Variants in CCM2 observed in about 807,000 individuals in gnomAD.
The protein encoded by CCM2 is CCM2 scaffold protein, also known as cerebral cavernous malformations 2 protein.
A neutral mutation model predicts 44.9 loss-of-function variants in CCM2; 25 were observed. That is an observed-to-expected ratio of 0.56 (90% confidence interval 0.41 to 0.78). The LOEUF (loss-of-function observed/expected upper bound fraction) is 0.78. CCM2 is among the 30% of genes least tolerant of loss of function. The pLI is 0.00. For synonymous variants in CCM2, 219 were observed against 241.1 expected (o/e 0.91, Z 0.85); for missense variants, 481 against 580.6 (o/e 0.83, Z 1.76).
At chr7:45,008,152 G>A (rs1222429948) in intron 1 of CCM2, among the ~76,000 whole-genome samples, 1 of 148,664 alleles carries the variant, frequency 6.7e-6, no homozygotes, top group Non-Finnish European at 1.5e-5. Context: ...AAGCAATTCT[G>A]CCTCAGCCTC....
At chr7:45,001,099 G>C (rs1028214931) in intron 1 of CCM2, among the ~76,000 whole-genome samples, 1 of 152,168 alleles carries the variant, frequency 6.6e-6, no homozygotes, top group South Asian at 2.1e-4. Flanking sequence ...ATGTGTGTGT[G>C]CGCACTTTTA....
In CCM2 at chr7:45,072,743, G is replaced by A. The variant is rs757873993; in HGVS notation, c.763G>A (p.Val255Met). 3 of 1,613,004 alleles carry A rather than the reference G, an allele frequency of 1.9e-6. No individual in the cohort carries two copies. Among genetic ancestry groups the A allele is most frequent in the Admixed American group, 3.3e-5 (2 of 60,024 alleles). The change falls in exon 7 of 10, where the codon GTG becomes ATG. Residue 255 changes from valine (V) to methionine (M), a missense_variant. Physicochemically the swap from Val to Met is conservative, Grantham distance 21. Coordinates refer to ENST00000258781, the MANE Select transcript of CCM2 (RefSeq NM_031443.4). ...SLHSDDSSTK[V>M]DIKETYEVEA... ...CCTTACAGATGACTCTTCTACAAAA[G>A]TGGACATTAAGGAGACCTACGAGGT...
intron 6 of CCM2, chr7:45,071,272 C>A: frequency 6.6e-6 from 1 of 152,670 alleles, no homozygotes; most frequent in Non-Finnish European, 1.5e-5. Context: ...TTTAAAATTC[C>A]CAAAGGGCCT....
At chr7:45,057,162 C>A (rs958803505) in intron 2 of CCM2, among the ~76,000 whole-genome samples, 1 of 150,688 alleles carries the variant, frequency 6.6e-6, no homozygotes, top group African/African-American at 2.4e-5. Flanking sequence ...CTCTTTTTTT[C>A]TTTCTTTCTT....
intron 4 of CCM2, among the ~76,000 whole-genome samples, chr7:45,065,719 T>G (rs1434493080): frequency 6.6e-6 from 1 of 152,150 alleles, no homozygotes; most frequent in African/African-American, 2.4e-5. Context: ...TGGCTGTTGC[T>G]CTGTTTTGTT....
chr7:45,046,362 C>G (rs868677026), intron 2 of CCM2, among the ~76,000 whole-genome samples: 11 of 152,322 alleles, frequency 7.2e-5, no homozygotes, highest in Middle Eastern at 3.4e-3. Context: ...GATCATACTG[C>G]TATCACAATC....
At chr7:45,001,899 G>A (rs1795651511) in intron 1 of CCM2, among the ~76,000 whole-genome samples, 3 of 152,184 alleles carry the variant, frequency 2.0e-5, no homozygotes, top group Non-Finnish European at 4.4e-5. Context: ...TCTCACTAGA[G>A]GAGATAATCA....
chr7:45,015,770 T>G (rs10243010), intron 1 of CCM2, among the ~76,000 whole-genome samples: 23,225 of 152,102 alleles, frequency 0.15, 3,500 homozygotes, highest in African/African-American at 0.39. Context: ...AGACACAGGA[T>G]AAAAAGCCAG....
At chr7:45,002,570 T>C (rs967007825) in intron 1 of CCM2, among the ~76,000 whole-genome samples, 2 of 151,934 alleles carry the variant, frequency 1.3e-5, no homozygotes, top group African/African-American at 4.8e-5. Context: ...ATTCAGGCTT[T>C]TTTTTACCTC....
At chr7:45,001,384 A>G (rs1795619626) in intron 1 of CCM2, among the ~76,000 whole-genome samples, 1 of 152,248 alleles carries the variant, frequency 6.6e-6, no homozygotes, top group African/African-American at 2.4e-5. Context: ...AGATGTTTTA[A>G]GTCTGGAAAA....
rs2877305 is a variant in CCM2, at chr7:45,072,471, T to G, written c.746-255T>G. The G allele has an allele frequency of 0.47, 282,426 of 597,184 alleles. 70,707 individuals are homozygous for G. The highest frequency in any genetic ancestry group is 0.74 in the African/African-American group (40,112 of 54,314). 37.0% of individuals were successfully genotyped at this position (597,184 alleles called of 1,614,324 possible). A position where few individuals can be genotyped will look rare whatever the true frequency, so the allele number is the denominator to read the frequency against. On this transcript the variant is annotated intron_variant, in intron 6 of 9. Transcript: ENST00000258781. ...CTGGCTCTGGCCATGGGTGAATGTG[T>G]ACTTCAGCCCAGCGTGCAGCAGGAT...
At chr7:45,049,289 T>G (rs1797894119) in intron 2 of CCM2, among the ~76,000 whole-genome samples, 1 of 152,188 alleles carries the variant, frequency 6.6e-6, no homozygotes, top group Admixed American at 6.5e-5. Flanking sequence ...AATATGTAAT[T>G]TATGTACATG....
In CCM2 at chr7:45,021,012, C is replaced by G. The variant is rs1796460299; in HGVS notation, c.31-17241C>G. 2.0e-5 allele frequency among the ~76,000 whole-genome samples: 3 copies of G among 152,288 alleles called. No homozygotes were observed. In the South Asian group the frequency reaches 6.2e-4, roughly 32 times the overall value. Reference sequence around the variant, plus strand: ...GCTGTCACTGCCTGCCTGAATCTCCCTCACTGTCTGAGGGTGGTCTTAGTG... The same window carrying G: ...GCTGTCACTGCCTGCCTGAATCTCCGTCACTGTCTGAGGGTGGTCTTAGTG... On this transcript the variant is annotated intron_variant, in intron 1 of 9. Coordinates refer to ENST00000258781, the MANE Select transcript of CCM2 (RefSeq NM_031443.4).
intron 2 of CCM2, among the ~76,000 whole-genome samples, chr7:45,058,367 G>A (rs1456094941): frequency 6.6e-6 from 1 of 151,910 alleles, no homozygotes; most frequent in East Asian, 1.9e-4. Flanking sequence ...TGTGCACAAC[G>A]TGCAGGTTTG....
At chr7:45,058,464 C>A (rs1348299136) in intron 2 of CCM2, among the ~76,000 whole-genome samples, 6 of 116,516 alleles carry the variant, frequency 5.1e-5, no homozygotes, top group Non-Finnish European at 1.7e-5. Flanking sequence ...TGCTATCCCT[C>A]CCCCCTCCCC....
chr7:45,072,608 G>C (rs1799133531), intron 6 of CCM2, 118 bp from the exon 7 acceptor site: 1 of 786,136 alleles, frequency 1.3e-6, no homozygotes, highest in African/African-American at 1.7e-5. Context: ...AAGGACAGCA[G>C]GGTCCCTGAA....
intron 1 of CCM2, among the ~76,000 whole-genome samples, chr7:45,002,418 A>G (rs1384848033): frequency 1.3e-5 from 2 of 152,134 alleles, no homozygotes; most frequent in Admixed American, 1.3e-4. Flanking sequence ...AAAATACAGA[A>G]ATTAGCCAGG....
intron 2 of CCM2, among the ~76,000 whole-genome samples, chr7:45,052,202 C>A (rs149347381): frequency 1.3e-5 from 2 of 152,312 alleles, no homozygotes; most frequent in African/African-American, 4.8e-5. Flanking sequence ...TTTGCCAGAA[C>A]AAGTGTTTCT....
chr7:45,020,708 A>T (rs988749875), intron 1 of CCM2, among the ~76,000 whole-genome samples: 2 of 152,160 alleles, frequency 1.3e-5, no homozygotes, highest in Non-Finnish European at 2.9e-5. Context: ...AACAGTTTTT[A>T]TTAGGTGAAA....
Sources: allele counts gnomAD v4.1 joint callset (sites outside exome capture counted in the v4.1 genomes callset), GRCh38; gene constraint gnomAD v4.1.1; transcripts MANE v1.5; gene names NCBI Gene and HGNC (gene_info 2026-07-23, HGNC 2026-07-21).